PRKCB: variants seen among roughly 807,000 people sequenced by gnomAD.
PRKCB encodes protein kinase C beta type.
PRKCB carries 13 observed loss-of-function variants against 81.5 expected under a neutral mutation model. That is an observed-to-expected ratio of 0.16 (90% CI 0.10 to 0.25). PRKCB has a LOEUF of 0.25. Among genes scored for constraint, PRKCB ranks in the 10% least tolerant of loss-of-function variants. The pLI, the probability that PRKCB is intolerant of heterozygous loss-of-function variation, is 1.00. For synonymous variants in PRKCB, 335 were observed against 321.4 expected (o/e 1.04, Z -0.45); for missense variants, 509 against 875.7 (o/e 0.58, Z 5.29).
chr16:23,889,578 G>A (rs775869082), intron 2 of PRKCB, among the ~76,000 whole-genome samples: 17 of 152,266 alleles, frequency 1.1e-4, no homozygotes, highest in Non-Finnish European at 2.1e-4. Context: ...TTGTGGGTAG[G>A]TGGGGCCGTA....
At chr16:23,837,457 A>G in intron 2 of PRKCB, 51 bp downstream of exon 2, 2 of 1,584,064 alleles carry the variant, frequency 1.3e-6, no homozygotes, top group Non-Finnish European at 8.6e-7. Context: ...AGGGTGAAAA[A>G]TACTTTATAG....
chr16:24,134,500 A>T (rs1412964942), intron 9 of PRKCB, among the ~76,000 whole-genome samples: 1 of 152,160 alleles, frequency 6.6e-6, no homozygotes, highest in East Asian at 1.9e-4. Context: ...TAATTGCAGC[A>T]CTTTGGGAGG....
intron 2 of PRKCB, among the ~76,000 whole-genome samples, chr16:23,918,495 CAA>C (rs1029003160): frequency 2.6e-5 from 4 of 152,052 alleles, no homozygotes; most frequent in East Asian, 3.9e-4. Context: ...CTCCTGGGCT[CAA>C]GAGATTCTCG....
chr16:24,212,666 C>T (rs139460332), intron 16 of PRKCB, among the ~76,000 whole-genome samples: 213 of 151,788 alleles, frequency 1.4e-3, no homozygotes, highest in African/African-American at 4.9e-3. Flanking sequence ...AGGGTTTTGC[C>T]ATGTTGGTCA....
intron 2 of PRKCB, among the ~76,000 whole-genome samples, chr16:23,932,162 T>C (rs1328443294): frequency 1.3e-5 from 2 of 152,162 alleles, no homozygotes; most frequent in Admixed American, 6.5e-5. Flanking sequence ...TTAAAAGATA[T>C]AGCAATCTAA....
At chr16:24,002,628 T>C (rs1965053437) in intron 3 of PRKCB, among the ~76,000 whole-genome samples, 1 of 152,126 alleles carries the variant, frequency 6.6e-6, no homozygotes, top group Admixed American at 6.5e-5. Context: ...TGTGAGCCAC[T>C]GCGCCTGGCC....
At chr16:24,173,041 A>G (rs1967468478) in intron 11 of PRKCB, among the ~76,000 whole-genome samples, 1 of 152,172 alleles carries the variant, frequency 6.6e-6, no homozygotes. Context: ...AGTAAGAAGC[A>G]GTTCCCAAAT....
chr16:24,167,730 C>G (rs1967370340), intron 10 of PRKCB, among the ~76,000 whole-genome samples: 1 of 152,192 alleles, frequency 6.6e-6, no homozygotes, highest in African/African-American at 2.4e-5. Flanking sequence ...CAGAACCTTT[C>G]ACACAAGATG....
intron 12 of PRKCB, among the ~76,000 whole-genome samples, chr16:24,175,720 C>T (rs1306210858): frequency 1.3e-5 from 2 of 151,612 alleles, no homozygotes; most frequent in Non-Finnish European, 2.9e-5. Flanking sequence ...ACCTGTAATC[C>T]CAACGCTTTG....
chr16:23,904,338 G>A (rs1039598242), intron 2 of PRKCB, among the ~76,000 whole-genome samples: 1 of 152,136 alleles, frequency 6.6e-6, no homozygotes, highest in African/African-American at 2.4e-5. Context: ...TGGGGTTGTT[G>A]AAAGAATTAA....
intron 5 of PRKCB, among the ~76,000 whole-genome samples, chr16:24,049,617 C>T (rs1415751731): frequency 1.3e-5 from 2 of 152,334 alleles, no homozygotes; most frequent in African/African-American, 4.8e-5. Flanking sequence ...TTAACTACTA[C>T]CCTGGTCTGC....
At chr16:23,874,565 TC>T (rs768333528) in intron 2 of PRKCB, among the ~76,000 whole-genome samples, 13,267 of 79,146 alleles carry the variant, frequency 0.17, 917 homozygotes, top group South Asian at 0.38. Context: ...CAGATTCTTC[TC>T]TCTTTTTTTT....
intron 10 of PRKCB, among the ~76,000 whole-genome samples, chr16:24,155,325 G>A (rs545900071): frequency 3.7e-4 from 56 of 152,344 alleles, no homozygotes; most frequent in African/African-American, 1.3e-3. Flanking sequence ...GGTACACAGT[G>A]TCCTGGGAAG....
intron 10 of PRKCB, among the ~76,000 whole-genome samples, chr16:24,169,495 C>G (rs144465700): frequency 1.3e-4 from 20 of 152,276 alleles, no homozygotes; most frequent in African/African-American, 4.8e-4. Flanking sequence ...CTTCTTCTTT[C>G]TTCTCCAAGC....
intron 10 of PRKCB, among the ~76,000 whole-genome samples, chr16:24,156,771 G>A (rs1196124229): frequency 6.6e-6 from 1 of 152,168 alleles, no homozygotes; most frequent in Non-Finnish European, 1.5e-5. Flanking sequence ...TGGTGATAGA[G>A]ACAAGGCTGG....
chr16:23,916,592 C>G (rs1169846611), intron 2 of PRKCB, among the ~76,000 whole-genome samples: 2 of 152,070 alleles, frequency 1.3e-5, no homozygotes, highest in Non-Finnish European at 2.9e-5. Context: ...CTAATAATAC[C>G]AATTTATTGT....
intron 5 of PRKCB, among the ~76,000 whole-genome samples, chr16:24,065,032 GA>G (rs1222051176): frequency 6.8e-6 from 1 of 147,284 alleles, no homozygotes; most frequent in Non-Finnish European, 1.5e-5. Context: ...GGAAAAGGGG[GA>G]AATATATCTA....
intron 2 of PRKCB, among the ~76,000 whole-genome samples, chr16:23,952,791 T>C (rs1964300424): frequency 6.6e-6 from 1 of 152,214 alleles, no homozygotes; most frequent in Non-Finnish European, 1.5e-5. Context: ...ATATTTACTG[T>C]ACCTTTTGTG....
intron 2 of PRKCB, among the ~76,000 whole-genome samples, chr16:23,923,340 T>C (rs998553018): frequency 6.6e-6 from 1 of 152,048 alleles, no homozygotes; most frequent in African/African-American, 2.4e-5. Flanking sequence ...CAAGGTGAGA[T>C]GGCTATGGAA....
Sources: allele counts gnomAD v4.1 joint callset (sites outside exome capture counted in the v4.1 genomes callset), GRCh38; gene constraint gnomAD v4.1.1; transcripts MANE v1.5; gene names NCBI Gene and HGNC (gene_info 2026-07-23, HGNC 2026-07-21).